Variants in CASP6 observed in about 807,000 individuals in gnomAD.
CASP6 encodes the protein caspase 6.
In CASP6, 20 loss-of-function variants were observed where a neutral mutation model predicts 31.8. The observed-to-expected ratio is 0.63, with a 90% CI of 0.44 to 0.91. The LOEUF (loss-of-function observed/expected upper bound fraction) is 0.91, where lower values mean the gene tolerates loss of function less well. Among genes scored for constraint, CASP6 ranks in the 40% least tolerant of loss-of-function variants. The pLI is 0.00. For synonymous variants in CASP6, 130 were observed against 127.8 expected (o/e 1.02, Z -0.12); for missense variants, 328 against 361.1 (o/e 0.91, Z 0.74).
chr4:109,699,734 A>G (rs1050386836), intron 1 of CASP6, among the ~76,000 whole-genome samples: 1 of 152,232 alleles, frequency 6.6e-6, no homozygotes, highest in Non-Finnish European at 1.5e-5. Context: ...CAGATGAGAA[A>G]GCTGTTTAAT....
At chr4:109,678,317 G>A in the CASP6 span, among the ~76,000 whole-genome samples, 378 of 152,224 alleles carry the variant, frequency 2.5e-3, no homozygotes, top group African/African-American at 8.5e-3. Flanking sequence ...GCCTGTTCTC[G>A]ATGGTCGCTG....
At chr4:109,698,448 G>A (rs1290351567) in intron 1 of CASP6, 106 bp from the exon 2 acceptor site, 2 of 889,388 alleles carry the variant, frequency 2.2e-6, no homozygotes, top group Non-Finnish European at 1.7e-6. Flanking sequence ...AGACCCTTCT[G>A]TTTTGGTTAG....
chr4:109,689,691 T>G (rs1729973583), intron 6 of CASP6, 123 bp from the exon 7 acceptor site: 3 of 837,670 alleles, frequency 3.6e-6, no homozygotes, highest in Non-Finnish European at 5.7e-6. Flanking sequence ...GATGTGTCCA[T>G]GATATAAATG....
chr4:109,706,029 TATA>T (rs1291365714), upstream of CASP6, among the ~76,000 whole-genome samples: 8 of 94,046 alleles, frequency 8.5e-5, no homozygotes, highest in African/African-American at 2.6e-4. Context: ...TATATATATA[TATA>T]ATATATATAA....
chr4:109,708,412 G>A (rs1158176974), upstream of CASP6, among the ~76,000 whole-genome samples: 4 of 152,202 alleles, frequency 2.6e-5, no homozygotes, highest in East Asian at 5.8e-4. Context: ...TGTTGTACTC[G>A]TTGGAAACAG....
In CASP6 at chr4:109,697,736, A is replaced by G; in HGVS notation, c.116T>C (p.Met39Thr). Reference protein sequence around the residue: ...EMFDPAEKYKMDHRRRGIALI... With the variant: ...EMFDPAEKYKTDHRRRGIALI... Reference sequence around the variant, plus strand: ...AGCAATTCCTCTCCTCCTGTGGTCCATTTTGTACTTTTCTGCCGGATCAAA... The same window carrying G: ...AGCAATTCCTCTCCTCCTGTGGTCCGTTTTGTACTTTTCTGCCGGATCAAA... Residue 39 changes from methionine (M) to threonine (T), a missense_variant, in exon 3 of 7, where the codon ATG becomes ACG. Physicochemically the swap from Met to Thr is moderately conservative, Grantham distance 81. Transcript: ENST00000265164. The G allele has an allele frequency of 5.6e-6, 9 of 1,613,918 alleles. No homozygotes were observed. The highest frequency in any genetic ancestry group is 1.1e-5 in the South Asian group (1 of 90,964).
the CASP6 span, among the ~76,000 whole-genome samples, chr4:109,678,068 C>T: frequency 4.1e-3 from 631 of 152,070 alleles, 4 homozygotes; most frequent in African/African-American, 0.014. Context: ...GCACATCTTG[C>T]ACCGCCCTTA....
intron 1 of CASP6, among the ~76,000 whole-genome samples, chr4:109,701,265 C>T (rs902133364): frequency 6.6e-5 from 10 of 151,944 alleles, no homozygotes; most frequent in African/African-American, 1.5e-4. Flanking sequence ...GCCCGGCCTG[C>T]GTTAATATTT....
the CASP6 span, among the ~76,000 whole-genome samples, chr4:109,678,089 C>T: frequency 6.6e-6 from 1 of 151,858 alleles, no homozygotes; most frequent in African/African-American, 2.4e-5. Context: ...ATCCATTTAA[C>T]CCTGAGTTGA....
chr4:109,697,606 T>C lies in CASP6; in HGVS notation c.230+16A>G, dbSNP rs1009843078. 1.3e-6 allele frequency: 2 copies of C among 1,595,984 alleles called. No homozygotes were observed. The highest frequency in any genetic ancestry group is 2.7e-5 in the African/African-American group (2 of 73,950). On this transcript the variant is annotated intron_variant, in intron 3 of 6. Transcript: ENST00000265164. ...CACTTAACTGCCTCATCTTGATAGG[T>C]AGATAAAACTACTACCTGCGGGTAA...
upstream of CASP6, among the ~76,000 whole-genome samples, chr4:109,707,387 AT>A (rs570364377): frequency 0.04 from 5,515 of 136,240 alleles, 273 homozygotes; most frequent in African/African-American, 0.12. Flanking sequence ...TAACTCCTGG[AT>A]TTTTTTTTTT....
At chr4:109,667,621 A>G in the CASP6 span, among the ~76,000 whole-genome samples, 1 of 150,438 alleles carries the variant, frequency 6.6e-6, no homozygotes, top group Non-Finnish European at 1.5e-5. Flanking sequence ...AATAGAATAT[A>G]TATTATGTAG....
At chr4:109,706,028 ATAT>A (rs1561266746), upstream of CASP6, among the ~76,000 whole-genome samples, 101 of 108,382 alleles carry the variant, frequency 9.3e-4, no homozygotes, top group African/African-American at 4.1e-3. Context: ...ATATATATAT[ATAT>A]AATATATATA....
chr4:109,701,537 C>T (rs919098088), intron 1 of CASP6, among the ~76,000 whole-genome samples: 3 of 152,258 alleles, frequency 2.0e-5, no homozygotes, highest in Admixed American at 2.0e-4. Context: ...AAGCGATTCT[C>T]CTGCCTCAGT....
downstream of CASP6, chr4:109,687,383 C>T: frequency 3.3e-6 from 2 of 604,024 alleles, no homozygotes; most frequent in South Asian, 4.5e-5. Context: ...TATATTTCAG[C>T]CATTTGCCAC....
the CASP6 span, among the ~76,000 whole-genome samples, chr4:109,672,940 C>T: frequency 6.6e-6 from 1 of 152,024 alleles, no homozygotes; most frequent in African/African-American, 2.4e-5. Context: ...CTCTGAGGAC[C>T]CCTCAAACAA....
rs5030600 is a variant in CASP6, at chr4:109,689,045, G to A, written c.*285C>T. The A allele has an allele frequency of 6.1e-3, 1,554 of 254,464 alleles. 41 individuals carry two copies. The highest frequency in any genetic ancestry group is 0.055 in the South Asian group (912 of 16,434). 15.8% of individuals were successfully genotyped at this position (254,464 alleles called of 1,614,324 possible). On this transcript the variant is annotated 3_prime_UTR_variant, in exon 7 of 7. Transcript: ENST00000265164. Reference sequence around the variant, plus strand: ...GGCTGGAGTGCAATGGCGCAATCTCGGCTCACCGCAGCCTCCACCTCCTGG... The same window carrying A: ...GGCTGGAGTGCAATGGCGCAATCTCAGCTCACCGCAGCCTCCACCTCCTGG...
At chr4:109,693,956 C>G (rs1304946294) in intron 5 of CASP6, among the ~76,000 whole-genome samples, 1 of 152,000 alleles carries the variant, frequency 6.6e-6, no homozygotes, top group Non-Finnish European at 1.5e-5. Context: ...CCAGGCTGGT[C>G]TTGAACTCCT....
chr4:109,704,302 G>C (rs1321491324), upstream of CASP6, among the ~76,000 whole-genome samples: 1 of 152,222 alleles, frequency 6.6e-6, no homozygotes, highest in Non-Finnish European at 1.5e-5. Context: ...CAAGTTGTGA[G>C]TGCAAAGGAG....
Sources: gnomAD v4.1 joint callset for allele counts (sites outside exome capture counted in the v4.1 genomes callset) on GRCh38, gnomAD v4.1.1 for gene constraint, MANE v1.5 for transcripts, NCBI Gene and HGNC (gene_info 2026-07-23, HGNC 2026-07-21) for gene names.